SCNN1G: variants seen among roughly 807,000 people sequenced by gnomAD.
SCNN1G encodes the protein sodium channel epithelial 1 subunit gamma.
In SCNN1G, 27 loss-of-function variants were observed where a neutral mutation model predicts 64.6. That is an observed-to-expected ratio of 0.42 (90% CI 0.31 to 0.58). SCNN1G has a LOEUF of 0.58. SCNN1G is among the 20% of genes least tolerant of loss of function. The pLI, the probability that SCNN1G is intolerant of heterozygous loss-of-function variation, is 0.18. For missense variants in SCNN1G, 743 were observed against 823.4 expected (o/e 0.90, Z 1.19); for synonymous variants, 330 against 314.2 (o/e 1.05, Z -0.53).
Position 23,213,726 on chromosome 16 carries a change from C to G in SCNN1G, c.1493+563C>G, listed in dbSNP as rs192050589. On this transcript the variant is annotated intron_variant, in intron 11 of 12. Coordinates refer to ENST00000300061, the MANE Select transcript of SCNN1G (RefSeq NM_001039.4). ...CCAATCTGGCCAATCTTGCGTCCAA[C>G]ATTCATAGAGCACCCCCTAGGTGCC... Among the ~76,000 whole-genome samples the G allele has an allele frequency of 6.0e-4, 91 of 152,356 alleles. No homozygotes were observed. The East Asian group carries it at 0.014, about 24-fold the overall frequency.
rs9923016 is a variant in SCNN1G at position 23,216,258 on chromosome 16, T to C, written c.*789T>C. Reference sequence around the variant, plus strand: ...GGATTTGAACCCAGACAATCTGACTTCATGATTTTGCATCCAATTCGTGTC... The same window carrying C: ...GGATTTGAACCCAGACAATCTGACTCCATGATTTTGCATCCAATTCGTGTC... On this transcript the variant is annotated 3_prime_UTR_variant, in exon 13 of 13. Coordinates refer to ENST00000300061, the MANE Select transcript of SCNN1G (RefSeq NM_001039.4). 0.41 allele frequency: 62,611 copies of C among 152,128 alleles called. 13,146 individuals are homozygous for C. The highest frequency in any genetic ancestry group is 0.45 in the Middle Eastern group (134 of 300). The allele number at this position is 152,128 out of a possible 1,614,324, so 9.4% of individuals were successfully genotyped here.
chr16:23,212,476 C>G (rs1960095586), intron 8 of SCNN1G, among the ~76,000 whole-genome samples: 1 of 152,066 alleles, frequency 6.6e-6, no homozygotes. Flanking sequence ...CAAGGGTGGT[C>G]TGACCTTCAA....
At chr16:23,200,474 G>A (rs1249122266) in intron 6 of SCNN1G, among the ~76,000 whole-genome samples, 1 of 152,170 alleles carries the variant, frequency 6.6e-6, no homozygotes, top group Non-Finnish European at 1.5e-5. Context: ...TCTAGCTATA[G>A]CTTTGCATTG....
chr16:23,202,707 G>A (rs1489048038), intron 6 of SCNN1G, among the ~76,000 whole-genome samples: 1 of 152,194 alleles, frequency 6.6e-6, no homozygotes, highest in East Asian at 1.9e-4. Context: ...GGATATTATA[G>A]CACAGAAGCA....
chr16:23,204,328 T>TAGAG (rs1567267122), intron 6 of SCNN1G, among the ~76,000 whole-genome samples: 25 of 45,032 alleles, frequency 5.6e-4, no homozygotes, highest in South Asian at 1.1e-3. Context: ...TATATATATA[T>TAGAG]ATATATAGAG....
At chr16:23,211,989 C>A in intron 7 of SCNN1G, 45 bp from the exon 8 acceptor site, 1 of 1,391,486 alleles carries the variant, frequency 7.2e-7, no homozygotes, top group South Asian at 1.2e-5. Flanking sequence ...TCCCTGACAT[C>A]CCTGAGCAAA....
intron 6 of SCNN1G, among the ~76,000 whole-genome samples, chr16:23,208,368 A>C (rs532422288): frequency 6.6e-6 from 1 of 152,276 alleles, no homozygotes; most frequent in East Asian, 1.9e-4. Context: ...AAGCAAAAAA[A>C]ATTATTGAAT....
chr16:23,192,790 A>G (rs1158814525), intron 4 of SCNN1G, among the ~76,000 whole-genome samples: 1 of 152,180 alleles, frequency 6.6e-6, no homozygotes, highest in Non-Finnish European at 1.5e-5. Context: ...GTAGTTGGCC[A>G]GGCATGGTGG....
chr16:23,209,116 C>T (rs759385978), intron 6 of SCNN1G, among the ~76,000 whole-genome samples: 4 of 152,118 alleles, frequency 2.6e-5, no homozygotes, highest in African/African-American at 4.8e-5. Flanking sequence ...TCTACCCAAT[C>T]GTACTCTGTC....
chr16:23,192,001 A>G (rs1276091429), intron 3 of SCNN1G, among the ~76,000 whole-genome samples: 1 of 152,136 alleles, frequency 6.6e-6, no homozygotes, highest in Non-Finnish European at 1.5e-5. Flanking sequence ...GACTTTTGAT[A>G]TGATAGGAAA....
chr16:23,202,566 C>CA (rs1959910264), intron 6 of SCNN1G, among the ~76,000 whole-genome samples: 4 of 152,010 alleles, frequency 2.6e-5, no homozygotes. Context: ...AGAAACTTTT[C>CA]AAAAAATCAT....
At chr16:23,212,218 C>CTG in intron 8 of SCNN1G, 67 bp downstream of exon 8, 2 of 1,016,666 alleles carry the variant, frequency 2.0e-6, no homozygotes, top group Non-Finnish European at 1.6e-6. Flanking sequence ...TGGCAATAGG[C>CTG]ACTCCTGGGA....
intron 6 of SCNN1G, among the ~76,000 whole-genome samples, chr16:23,204,318 T>TAGAG (rs1959948258): frequency 1.2e-5 from 1 of 82,678 alleles, no homozygotes; most frequent in African/African-American, 4.6e-5. Context: ...TATATATATA[T>TAGAG]ATATATATAT....
chr16:23,188,484 C>T (rs1192939387), intron 2 of SCNN1G, among the ~76,000 whole-genome samples: 1 of 152,164 alleles, frequency 6.6e-6, no homozygotes, highest in Non-Finnish European at 1.5e-5. Context: ...TGCACTCCAG[C>T]CTGGGCAACA....
chr16:23,199,825 C>T (rs1226625791), intron 6 of SCNN1G, among the ~76,000 whole-genome samples: 1 of 151,632 alleles, frequency 6.6e-6, no homozygotes, highest in African/African-American at 2.4e-5. Flanking sequence ...TCACCCGCCA[C>T]CACGCCTGGC....
intron 3 of SCNN1G, among the ~76,000 whole-genome samples, chr16:23,192,136 C>G (rs1959718842): frequency 1.3e-5 from 2 of 152,274 alleles, no homozygotes; most frequent in Middle Eastern, 6.8e-3. Context: ...GAGTAGGACT[C>G]TGTGTCCTTT....
At position 23,192,678 on chromosome 16, in the gene SCNN1G, AACTGCTTACATGGG is replaced by A; in HGVS notation, c.809+138_809+151del. 4 of 728,256 alleles carry A rather than the reference AACTGCTTACATGGG, an allele frequency of 5.5e-6. No homozygotes were observed. In the South Asian group the frequency reaches 6.0e-5, roughly 11 times the overall value. The allele number at this position is 728,256 out of a possible 1,614,324, so 45.1% of individuals were successfully genotyped here. On this transcript the variant is annotated intron_variant, in intron 4 of 12. Transcript: ENST00000300061. ...CTTCTCACTGATGCTGCCTTTTGGA[AACTGCTTACATGGG>A]AGCTGTGTTCTAGAGTCAGTGAGTG...
In SCNN1G at chr16:23,209,798, G is replaced by T; in HGVS notation, c.1126G>T (p.Gly376Trp). 1 of 1,614,090 alleles carries T rather than the reference G, an allele frequency of 6.2e-7. No individual in the cohort carries two copies. The highest frequency in any genetic ancestry group is 8.5e-7 in the Non-Finnish European group (1 of 1,179,950). The change falls in exon 7 of 13, where the codon GGG becomes TGG. Residue 376 changes from glycine to tryptophan, a missense_variant. Gly to Trp is a radical substitution (Grantham distance 184). Transcript: ENST00000300061. ...GCCCTACAGTCAGTGCACGGAGGAC[G>T]GGAGTGACGTGCCAATCAGGAACAT... ...SEPYSQCTED[G>W]SDVPIRNIYN...
chr16:23,210,976 T>G (rs920893250), intron 7 of SCNN1G, among the ~76,000 whole-genome samples: 1 of 152,140 alleles, frequency 6.6e-6, no homozygotes, highest in African/African-American at 2.4e-5. Context: ...TGTTCAAGCC[T>G]GCAGTGAGCC....
Sources: allele counts gnomAD v4.1 joint callset (sites outside exome capture counted in the v4.1 genomes callset), GRCh38; gene constraint gnomAD v4.1.1; transcripts MANE v1.5; gene names NCBI Gene and HGNC (gene_info 2026-07-23, HGNC 2026-07-21).